Variants in HIVEP3 observed in about 807,000 individuals in gnomAD.
HIVEP3 encodes HIVEP zinc finger 3.
HIVEP3 carries 49 observed loss-of-function variants against 152.8 expected under a neutral mutation model. The observed-to-expected ratio is 0.32, with a 90% confidence interval of 0.26 to 0.41. HIVEP3 has a LOEUF of 0.41. Ranked by LOEUF, HIVEP3 falls within the 10% of genes least tolerant of loss-of-function variation. HIVEP3 has a pLI of 1.00. For synonymous variants in HIVEP3, 1,269 were observed against 1,289.0 expected, an observed-to-expected ratio of 0.98 and a Z score of 0.33; for missense variants, 2,790 against 3,103.3, an observed-to-expected ratio of 0.90 and a Z score of 2.40.
chr1:41,775,537 C>T (rs1350877579), intron 1 of HIVEP3, among the ~76,000 whole-genome samples: 2 of 152,164 alleles, frequency 1.3e-5, no homozygotes, highest in Non-Finnish European at 2.9e-5. Context: ...GTCGCCCAGG[C>T]TGGAGTGCAG....
chr1:41,689,689 G>A (rs950193295), intron 2 of HIVEP3, among the ~76,000 whole-genome samples: 5 of 152,174 alleles, frequency 3.3e-5, no homozygotes, highest in Non-Finnish European at 5.9e-5. Context: ...GAAAATAGCC[G>A]CCCGACTATT....
chr1:41,692,697 G>A (rs1446050574), intron 2 of HIVEP3, among the ~76,000 whole-genome samples: 5 of 152,178 alleles, frequency 3.3e-5, no homozygotes, highest in African/African-American at 1.2e-4. Flanking sequence ...ATGGATGTAC[G>A]CTTCTGTGCA....
At chr1:41,760,638 G>A (rs1647608173) in intron 1 of HIVEP3, among the ~76,000 whole-genome samples, 1 of 152,184 alleles carries the variant, frequency 6.6e-6, no homozygotes, top group Non-Finnish European at 1.5e-5. Context: ...CTTCAACTGG[G>A]GAATTGGCTC....
Position 41,506,915 on chromosome 1 carries a change from T to G in HIVEP3, c.*3536A>C, listed in dbSNP as rs1644389067. 6.6e-6 allele frequency: 1 copy of G among 151,930 alleles called. No individual in the cohort carries two copies. The highest frequency in any genetic ancestry group is 2.1e-4 in the South Asian group (1 of 4,800). The allele number at this position is 151,930 out of a possible 1,614,324, so 9.4% of individuals were successfully genotyped here. On this transcript the variant is annotated 3_prime_UTR_variant, in exon 9 of 9. Coordinates refer to ENST00000372583, the MANE Select transcript of HIVEP3 (RefSeq NM_024503.5). ...TTTTTCTGTTTCTTTTCTTTCTTTC[T>G]TTTTTTACATACTAGATTTATTAAA...
rs547736040 is a variant in HIVEP3, at chr1:41,675,873, G to A, written c.-721+25043C>T. On this transcript the variant is annotated intron_variant, in intron 2 of 8. Transcript: ENST00000372583. ...GGCCACAGGCTCTGCTGATGATTGCGGCTCCAGGGTGTGTCCACACGGCCC... is the reference window on the plus strand; with the variant it reads ...GGCCACAGGCTCTGCTGATGATTGCAGCTCCAGGGTGTGTCCACACGGCCC... 2.6e-5 allele frequency among the ~76,000 whole-genome samples: 4 copies of A among 152,284 alleles called. No individual in the cohort carries two copies. The South Asian group carries it at 6.2e-4, about 24-fold the overall frequency.
At chr1:41,614,304 G>T (rs1644937287) in intron 3 of HIVEP3, among the ~76,000 whole-genome samples, 1 of 152,234 alleles carries the variant, frequency 6.6e-6, no homozygotes, top group Non-Finnish European at 1.5e-5. Context: ...TGAGTCTAAA[G>T]GCTCTGAGTC....
chr1:41,904,427 C>T (rs1356401498), intron 1 of HIVEP3, among the ~76,000 whole-genome samples: 1 of 152,150 alleles, frequency 6.6e-6, no homozygotes, highest in African/African-American at 2.4e-5. Flanking sequence ...TTGCCCAGAC[C>T]AACAAAATCA....
At position 41,966,475 on chromosome 1, in the gene HIVEP3, C is replaced by CTTTTTTTTTTTTTTTT. The variant is rs58470482; in HGVS notation, n.120-47967_120-47952dup. 3.6e-3 allele frequency among the ~76,000 whole-genome samples: 343 copies of CTTTTTTTTTTTTTTTT among 95,766 alleles called. 47 individuals are homozygous for CTTTTTTTTTTTTTTTT. Among genetic ancestry groups the CTTTTTTTTTTTTTTTT allele is most frequent in the East Asian group, 0.013 (31 of 2,366 alleles). The allele number at this position is 95,766 out of a possible 152,430, so 62.8% of individuals were successfully genotyped here. ...TCAAGACCCATCAGTGTGCTGTATT[C>CTTTTTTTTTTTTTTTT]TTTTTTTTTTTTTTTTGAGATGGAG... On this transcript the variant is annotated intron_variant and non_coding_transcript_variant, in intron 1 of 3. Transcript: ENST00000489103.
intron 1 of HIVEP3, among the ~76,000 whole-genome samples, chr1:41,761,294 G>A (rs529555736): frequency 2.0e-4 from 31 of 152,108 alleles, no homozygotes; most frequent in Non-Finnish European, 4.3e-4. Context: ...ATACACCTAC[G>A]TGAGTGTGTG....
intron 2 of HIVEP3, among the ~76,000 whole-genome samples, chr1:41,637,615 A>T (rs1020269251): frequency 6.6e-6 from 1 of 152,212 alleles, no homozygotes; most frequent in Non-Finnish European, 1.5e-5. Context: ...GGATGGTGAA[A>T]AGCAAAATCA....
intron 3 of HIVEP3, among the ~76,000 whole-genome samples, chr1:41,598,581 G>A (rs1644700674): frequency 6.6e-6 from 1 of 152,128 alleles, no homozygotes; most frequent in African/African-American, 2.4e-5. Context: ...CAGTTATAAC[G>A]ATCACTCTAC....
chr1:41,668,327 G>T (rs1387375085), intron 2 of HIVEP3, among the ~76,000 whole-genome samples: 1 of 152,242 alleles, frequency 6.6e-6, no homozygotes, highest in African/African-American at 2.4e-5. Context: ...CGAGAGAGAT[G>T]AATACGGGAG....
chr1:41,710,248 C>T (rs1157902981), intron 1 of HIVEP3, among the ~76,000 whole-genome samples: 3 of 152,132 alleles, frequency 2.0e-5, no homozygotes, highest in Non-Finnish European at 4.4e-5. Flanking sequence ...CCAAAATAGT[C>T]CCTGGGGGTC....
chr1:42,018,507 CT>C lies in HIVEP3; in HGVS notation n.119+17299del, dbSNP rs201249030. Reference sequence around the variant, plus strand: ...TTTCTCTACTGTATTTTAGTGTCAACTTTGTCATAAATCAAGTGATCATATA... The same window carrying C: ...TTTCTCTACTGTATTTTAGTGTCAACTTGTCATAAATCAAGTGATCATATA... On this transcript the variant is annotated intron_variant and non_coding_transcript_variant, in intron 1 of 3. Coordinates refer to the HIVEP3 transcript ENST00000489103. Among the ~76,000 whole-genome samples the C allele has an allele frequency of 1.9e-4, 29 of 152,044 alleles. 1 individual carries two copies. In the East Asian group the frequency reaches 5.4e-3, roughly 28 times the overall value.
intron 1 of HIVEP3, among the ~76,000 whole-genome samples, chr1:41,792,308 T>C (rs1649746747): frequency 6.6e-6 from 1 of 152,206 alleles, no homozygotes; most frequent in Non-Finnish European, 1.5e-5. Flanking sequence ...TGGGGGCTCC[T>C]GCAGGGCAAA....
chr1:41,937,341 G>C (rs1182185473), intron 1 of HIVEP3, among the ~76,000 whole-genome samples: 5 of 152,100 alleles, frequency 3.3e-5, no homozygotes, highest in Non-Finnish European at 1.5e-5. Flanking sequence ...CATGATGTTG[G>C]TTCAAGGTGG....
At chr1:41,792,681 G>A (rs1438755485) in intron 1 of HIVEP3, among the ~76,000 whole-genome samples, 1 of 152,212 alleles carries the variant, frequency 6.6e-6, no homozygotes, top group Admixed American at 6.5e-5. Flanking sequence ...TGCCCTGACT[G>A]GGGCCTTCCC....
At chr1:41,621,035 C>T (rs1424359739) in intron 3 of HIVEP3, among the ~76,000 whole-genome samples, 7 of 152,226 alleles carry the variant, frequency 4.6e-5, no homozygotes, top group Non-Finnish European at 8.8e-5. Flanking sequence ...GGGCAAGTCA[C>T]TTGCCACGTT....
At chr1:41,557,358 C>T (rs1320836894) in intron 5 of HIVEP3, among the ~76,000 whole-genome samples, 3 of 152,056 alleles carry the variant, frequency 2.0e-5, no homozygotes, top group Non-Finnish European at 2.9e-5. Context: ...TGCACAAGTT[C>T]AGAGGGACAC....
Sources: gnomAD v4.1 joint callset for allele counts (sites outside exome capture counted in the v4.1 genomes callset) on GRCh38, gnomAD v4.1.1 for gene constraint, MANE v1.5 for transcripts, NCBI Gene and HGNC (gene_info 2026-07-23, HGNC 2026-07-21) for gene names.